Variants in UBE2F observed in about 807,000 individuals in gnomAD.
UBE2F encodes the protein NEDD8-conjugating enzyme UBE2F.
Under a neutral mutation model 29.6 loss-of-function variants are expected in UBE2F, and 5 were observed. That is an observed-to-expected ratio of 0.17 (90% CI 0.09 to 0.36). The LOEUF (loss-of-function observed/expected upper bound fraction) is 0.36. UBE2F is among the 10% of genes least tolerant of loss of function. The pLI, the probability that UBE2F is intolerant of heterozygous loss-of-function variation, is 1.00. For missense variants in UBE2F, 141 were observed against 228.5 expected (o/e 0.62, Z 2.47); for synonymous variants, 66 against 81.8 (o/e 0.81, Z 1.04).
rs57616201 is a variant in UBE2F at position 238,040,739 on chromosome 2, A to G, written c.508-549A>G. Among the ~76,000 whole-genome samples the G allele has an allele frequency of 1.7e-3, 263 of 152,088 alleles. 2 individuals are homozygous for G. Among genetic ancestry groups the G allele is most frequent in the African/African-American group, 6.0e-3 (248 of 41,494 alleles). On this transcript the variant is annotated intron_variant, in intron 9 of 9. Transcript: ENST00000272930. The surrounding 1 kb of genome is among the most constrained non-coding windows in gnomAD (Gnocchi z 4.4). The stretch of plus-strand genomic sequence containing the variant: ...TTGGTCACTGTCCACCTTCATTTCA[A>G]TGCATGAGGATGGAGCTCTGTGGCA...
chr2:237,990,151 T>TGAAG (rs2063554590), intron 3 of UBE2F, among the ~76,000 whole-genome samples: 5 of 146,930 alleles, frequency 3.4e-5, no homozygotes, highest in African/African-American at 1.3e-4. Context: ...TTCTACCCAC[T>TGAAG]GAAGTATTTA....
chr2:238,029,355 G>A (rs945984122), intron 6 of UBE2F, among the ~76,000 whole-genome samples: 3 of 151,984 alleles, frequency 2.0e-5, no homozygotes, highest in Non-Finnish European at 4.4e-5. Flanking sequence ...TTGGGAGGCC[G>A]AGGCGGGCGG....
intron 1 of UBE2F, among the ~76,000 whole-genome samples, chr2:237,972,730 T>C (rs975910120): frequency 6.6e-6 from 1 of 151,840 alleles, no homozygotes; most frequent in African/African-American, 2.4e-5. Flanking sequence ...TTTTTATATT[T>C]TTTGTAGAGA....
At chr2:238,016,754 A>G (rs1428087267) in intron 5 of UBE2F, 121 bp downstream of exon 5, 1 of 735,742 alleles carries the variant, frequency 1.4e-6, no homozygotes, top group Admixed American at 2.5e-5. Context: ...GTGACTGAGT[A>G]CTCACTTCAG....
intron 2 of UBE2F, among the ~76,000 whole-genome samples, chr2:237,976,217 C>A (rs1201188389): frequency 6.6e-6 from 1 of 152,160 alleles, no homozygotes; most frequent in Non-Finnish European, 1.5e-5. Context: ...GCAGCACAAG[C>A]CAGGAAAATG....
chr2:237,999,149 T>C (rs1364303674), intron 4 of UBE2F, among the ~76,000 whole-genome samples: 1 of 108,176 alleles, frequency 9.2e-6, no homozygotes, highest in African/African-American at 3.9e-5. Flanking sequence ...GTGGTGCAAC[T>C]TCACCTCACT....
intron 8 of UBE2F, among the ~76,000 whole-genome samples, chr2:238,034,835 GC>G (rs2064667777): frequency 6.6e-6 from 1 of 152,008 alleles, no homozygotes; most frequent in South Asian, 2.1e-4. Flanking sequence ...CCATCCTACA[GC>G]CTGCGTTGGA....
intron 5 of UBE2F, among the ~76,000 whole-genome samples, chr2:238,021,798 A>G (rs2064300405): frequency 6.6e-6 from 1 of 152,196 alleles, no homozygotes; most frequent in Non-Finnish European, 1.5e-5. Flanking sequence ...GTCTTTGACC[A>G]TGTGAAAACA....
At chr2:237,986,171 C>T in intron 2 of UBE2F, 2 of 381,330 alleles carry the variant, frequency 5.2e-6, no homozygotes, top group Non-Finnish European at 1.0e-5. Flanking sequence ...GACGGGGTCT[C>T]ACTCTGTCAC....
chr2:237,973,069 C>G, intron 1 of UBE2F, 23 bp from the exon 2 acceptor site: 1 of 1,591,458 alleles, frequency 6.3e-7, no homozygotes, highest in Non-Finnish European at 8.6e-7. Context: ...GTCCTTAACC[C>G]TGCTTTCATT....
intron 3 of UBE2F, among the ~76,000 whole-genome samples, chr2:237,988,446 T>A (rs1188565084): frequency 5.2e-5 from 2 of 38,482 alleles, no homozygotes; most frequent in Non-Finnish European, 4.8e-5. Flanking sequence ...AGACTCCATC[T>A]CAAAAAAAAA....
rs1442222665 is a variant in UBE2F, at chr2:237,982,399, C to T, written c.119-5564C>T. The stretch of plus-strand genomic sequence containing the variant: ...TTGTCCGTCTGTGCCCAGACCTCAC[C>T]TCTTCCCTTGTCACTAGACTGTCCT... On this transcript the variant is annotated intron_variant, in intron 2 of 9. Coordinates refer to ENST00000272930, the MANE Select transcript of UBE2F (RefSeq NM_080678.3). The surrounding 1 kb of genome is among the most constrained non-coding windows in gnomAD (Gnocchi z 4.1). Among the ~76,000 whole-genome samples, 2 of 152,202 alleles carry T rather than the reference C, an allele frequency of 1.3e-5. No homozygotes were observed. The highest frequency in any genetic ancestry group is 2.9e-5 in the Non-Finnish European group (2 of 68,046).
At chr2:238,033,079 C>G (rs2064623128) in intron 8 of UBE2F, among the ~76,000 whole-genome samples, 1 of 152,196 alleles carries the variant, frequency 6.6e-6, no homozygotes, top group South Asian at 2.1e-4. Context: ...ACTAGCCAGC[C>G]CAGGGAGTGG....
At chr2:237,994,129 A>C (rs1576605515) in intron 3 of UBE2F, among the ~76,000 whole-genome samples, 1 of 88,282 alleles carries the variant, frequency 1.1e-5, no homozygotes, top group African/African-American at 4.0e-5. Flanking sequence ...TTTTTTTTTG[A>C]GGCAGAGTTT....
chr2:237,971,347 T>C (rs1028078615), intron 1 of UBE2F, among the ~76,000 whole-genome samples: 1 of 152,206 alleles, frequency 6.6e-6, no homozygotes, highest in Non-Finnish European at 1.5e-5. Context: ...TTTATTTTTT[T>C]GAGTCTCACT....
Position 238,040,515 on chromosome 2 carries a change from C to T in UBE2F, c.508-773C>T, listed in dbSNP as rs2064816034. On this transcript the variant is annotated intron_variant, in intron 9 of 9. Coordinates refer to ENST00000272930, the MANE Select transcript of UBE2F (RefSeq NM_080678.3). The surrounding 1 kb of genome is among the most constrained non-coding windows in gnomAD (Gnocchi z 4.4). ...CCGAAGCAGTGTGATCCTGCAGGGACATCTGAGACCCAGCAGCTGTGTTGT... is the reference window on the plus strand; with the variant it reads ...CCGAAGCAGTGTGATCCTGCAGGGATATCTGAGACCCAGCAGCTGTGTTGT... 6.6e-6 allele frequency among the ~76,000 whole-genome samples: 1 copy of T among 152,154 alleles called. No homozygotes were observed. Among genetic ancestry groups the T allele is most frequent in the Non-Finnish European group, 1.5e-5 (1 of 68,038 alleles).
intron 8 of UBE2F, 189 bp from the exon 9 acceptor site, chr2:238,035,689 T>G: frequency 1.8e-6 from 1 of 550,648 alleles, no homozygotes; most frequent in Admixed American, 3.2e-5. Context: ...CAGTCACCAT[T>G]TTGAAAAAAA....
At position 237,993,174 on chromosome 2, in the gene UBE2F, G is replaced by A. The variant is rs542939404; in HGVS notation, c.149-1570G>A. Among the ~76,000 whole-genome samples, 40 of 152,142 alleles carry A rather than the reference G, an allele frequency of 2.6e-4. No individual in the cohort carries two copies. In the South Asian group the frequency reaches 8.3e-3, roughly 32 times the overall value. On this transcript the variant is annotated intron_variant, in intron 3 of 9. Coordinates refer to ENST00000272930, the MANE Select transcript of UBE2F (RefSeq NM_080678.3). The stretch of plus-strand genomic sequence containing the variant: ...AGCTAATTTTTGTATTTTTAGTAGA[G>A]ACGGGGTTTCACCACGTTGGCCAGG...
intron 2 of UBE2F, among the ~76,000 whole-genome samples, chr2:237,981,913 G>A (rs372693485): frequency 2.0e-5 from 3 of 151,976 alleles, no homozygotes; most frequent in African/African-American, 7.3e-5. Flanking sequence ...AGGCATGAGC[G>A]CTGGGAGAGA....
Sources: gnomAD v4.1 joint callset for allele counts (sites outside exome capture counted in the v4.1 genomes callset) on GRCh38, gnomAD v4.1.1 for gene constraint, Gnocchi (gnomAD v3.1) non-coding constraint, MANE v1.5 for transcripts, NCBI Gene and HGNC (gene_info 2026-07-23, HGNC 2026-07-21) for gene names.